Variants in CELF2 observed in about 807,000 individuals in gnomAD.
The protein encoded by CELF2 is CUGBP Elav-like family member 2, also known as CUG triplet repeat RNA-binding protein 2.
A neutral mutation model predicts 62.6 loss-of-function variants in CELF2; 8 were observed. That is an observed-to-expected ratio of 0.13 (90% confidence interval 0.07 to 0.23). CELF2 has a LOEUF of 0.23. CELF2 is among the 10% of genes least tolerant of loss of function. The pLI is 1.00. For missense variants in CELF2, 333 were observed against 671.0 expected, an observed-to-expected ratio of 0.50 and a Z score of 5.56; for synonymous variants, 258 against 250.0, an observed-to-expected ratio of 1.03 and a Z score of -0.30.
the CELF2 span, among the ~76,000 whole-genome samples, chr10:10,657,839 G>A: frequency 3.2e-4 from 49 of 152,264 alleles, no homozygotes; most frequent in African/African-American, 1.1e-3. Flanking sequence ...TTTTTAATAT[G>A]TTGAGCTATT....
At chr10:10,779,463 T>G in the CELF2 span, among the ~76,000 whole-genome samples, 161 of 152,292 alleles carry the variant, frequency 1.1e-3, no homozygotes, top group Non-Finnish European at 1.6e-3. Context: ...ACCTTCCTGA[T>G]TCTCCACCCT....
rs531052638 is a variant in CELF2 at position 11,205,180 on chromosome 10, A to G, written c.272-12245A>G. Among the ~76,000 whole-genome samples the G allele has an allele frequency of 4.0e-3, 605 of 152,352 alleles. 6 individuals carry two copies. Among genetic ancestry groups the G allele is most frequent in the African/African-American group, 8.8e-3 (364 of 41,592 alleles). ...CCAAGTAATTACTTCAGAAAGCAAGACAACACAATCAATTCTAAGCCCTAT... is the reference window on the plus strand; with the variant it reads ...CCAAGTAATTACTTCAGAAAGCAAGGCAACACAATCAATTCTAAGCCCTAT... On this transcript the variant is annotated intron_variant, in intron 2 of 12. Transcript: ENST00000633077.
Position 11,332,483 on chromosome 10 carries a change from C to T in CELF2, c.*3430C>T, listed in dbSNP as rs113496349. On this transcript the variant is annotated 3_prime_UTR_variant, in exon 13 of 13. Coordinates refer to ENST00000633077, the MANE Select transcript of CELF2 (RefSeq NM_001326342.2). ...CTAAGTAAAGCTCAGTTCTTTATCA[C>T]AATTTACTGACCAAATACCTAGCAC... 1 of 152,694 alleles carries T rather than the reference C, an allele frequency of 6.5e-6. No individual in the cohort carries two copies. Among genetic ancestry groups the T allele is most frequent in the African/African-American group, 2.4e-5 (1 of 41,542 alleles). 9.5% of individuals were successfully genotyped at this position (152,694 alleles called of 1,614,324 possible). A position where few individuals can be genotyped will look rare whatever the true frequency, so the allele number is the denominator to read the frequency against.
chr10:11,298,439 C>T (rs1264700129), intron 9 of CELF2, among the ~76,000 whole-genome samples: 1 of 152,184 alleles, frequency 6.6e-6, no homozygotes, highest in Non-Finnish European at 1.5e-5. Context: ...CAGAAGGGTA[C>T]TTATATCACA....
chr10:10,923,963 T>A (rs1451336000), intron 2 of CELF2: 1 of 152,134 alleles, frequency 6.6e-6, no homozygotes, highest in Admixed American at 6.5e-5. Context: ...AGATCTGGTT[T>A]TTAGGATGAA....
the CELF2 span, among the ~76,000 whole-genome samples, chr10:10,629,518 A>G: frequency 1.3e-5 from 2 of 152,140 alleles, no homozygotes; most frequent in Non-Finnish European, 1.5e-5. Context: ...CACTTGCTTA[A>G]ATTTTTTTAA....
At chr10:10,625,607 G>T in the CELF2 span, among the ~76,000 whole-genome samples, 1 of 152,176 alleles carries the variant, frequency 6.6e-6, no homozygotes, top group African/African-American at 2.4e-5. Context: ...GGGCCAAAGT[G>T]AAAACTTCTT....
intron 1 of CELF2, among the ~76,000 whole-genome samples, chr10:10,847,157 T>A (rs1265628394): frequency 6.6e-6 from 1 of 151,620 alleles, no homozygotes; most frequent in Non-Finnish European, 1.5e-5. Flanking sequence ...TTATATTAGG[T>A]ATATATATAA....
intron 2 of CELF2, among the ~76,000 whole-genome samples, chr10:10,965,255 C>T (rs886722084): frequency 6.6e-6 from 1 of 151,974 alleles, no homozygotes; most frequent in Non-Finnish European, 1.5e-5. Context: ...ACTTACTGTC[C>T]TTTCAGTTTT....
the CELF2 span, among the ~76,000 whole-genome samples, chr10:10,700,954 C>T: frequency 6.6e-6 from 1 of 152,208 alleles, no homozygotes; most frequent in Non-Finnish European, 1.5e-5. Context: ...CCTCCACCTA[C>T]CAAGTTCTGG....
chr10:10,876,039 A>G (rs752796090), intron 1 of CELF2, among the ~76,000 whole-genome samples: 1 of 152,216 alleles, frequency 6.6e-6, no homozygotes, highest in Non-Finnish European at 1.5e-5. Flanking sequence ...ATATGGCGTT[A>G]TGTGTACCTG....
Position 11,165,292 on chromosome 10 carries a change from TCGC to T in CELF2, c.75-185_75-183del. On this transcript the variant is annotated intron_variant, in intron 1 of 12. Coordinates refer to ENST00000633077, the MANE Select transcript of CELF2 (RefSeq NM_001326342.2). This position sits in a 1 kb window ranked among gnomAD's most constrained non-coding sequence, Gnocchi z 7.4. ...TCGACAGCAGCACGCAGTGAGAGCC[TCGC>T]CGCCGCCGAGGAGCAACTCATGGTG... The T allele has an allele frequency of 7.1e-7, 1 of 1,399,006 alleles. No homozygotes were observed. The highest frequency in any genetic ancestry group is 9.3e-7 in the Non-Finnish European group (1 of 1,078,350). The allele number at this position is 1,399,006 out of a possible 1,614,324, so 86.7% of individuals were successfully genotyped here.
the CELF2 span, among the ~76,000 whole-genome samples, chr10:10,467,467 G>C: frequency 6.6e-6 from 1 of 151,960 alleles, no homozygotes; most frequent in African/African-American, 2.4e-5. Context: ...GTTCCACATT[G>C]TATTGATTAG....
At chr10:11,322,295 G>A (rs1408607673) in intron 11 of CELF2, among the ~76,000 whole-genome samples, 1 of 152,206 alleles carries the variant, frequency 6.6e-6, no homozygotes, top group Non-Finnish European at 1.5e-5. Flanking sequence ...TTCAGGGAAA[G>A]CAAGTAAGTG....
At chr10:10,632,809 T>C in the CELF2 span, among the ~76,000 whole-genome samples, 1 of 152,184 alleles carries the variant, frequency 6.6e-6, no homozygotes, top group Non-Finnish European at 1.5e-5. Context: ...CTGGAGGCAA[T>C]GGTGATCACC....
At chr10:10,473,498 T>G in the CELF2 span, among the ~76,000 whole-genome samples, 2 of 152,054 alleles carry the variant, frequency 1.3e-5, no homozygotes, top group African/African-American at 2.4e-5. Flanking sequence ...ATACAAGTAC[T>G]ATTGTTACAT....
At position 11,098,664 on chromosome 10, in the gene CELF2, G is replaced by T. The variant is rs1238899570; in HGVS notation, c.75-66822G>T. On this transcript the variant is annotated intron_variant, in intron 1 of 12. Coordinates refer to ENST00000633077, the MANE Select transcript of CELF2 (RefSeq NM_001326342.2). The surrounding 1 kb of genome is among the most constrained non-coding windows in gnomAD (Gnocchi z 4.0). ...TGCATGATAAGTATAAATGTGTCAT[G>T]AGCACACTGTTTTCTCTGTAGAAAT... Among the ~76,000 whole-genome samples the T allele has an allele frequency of 6.6e-6, 1 of 152,186 alleles. No homozygotes were observed. Among genetic ancestry groups the T allele is most frequent in the Non-Finnish European group, 1.5e-5 (1 of 68,038 alleles).
At chr10:11,257,961 C>A in intron 5 of CELF2, 89 bp downstream of exon 5, 1 of 1,470,680 alleles carries the variant, frequency 6.8e-7, no homozygotes, top group Non-Finnish European at 9.4e-7. Context: ...CCGCACACGG[C>A]AAGAGGTCAC....
intron 1 of CELF2, among the ~76,000 whole-genome samples, chr10:11,148,867 CACACACAA>C (rs1182333343): frequency 7.0e-6 from 1 of 143,220 alleles, no homozygotes; most frequent in African/African-American, 2.5e-5. Flanking sequence ...CACACACACA[CACACACAA>C]AGCAAGCCCA....
Sources: allele counts gnomAD v4.1 joint callset (sites outside exome capture counted in the v4.1 genomes callset), GRCh38; gene constraint gnomAD v4.1.1; non-coding constraint Gnocchi (gnomAD v3.1); transcripts MANE v1.5; gene names NCBI Gene and HGNC (gene_info 2026-07-23, HGNC 2026-07-21).